PRKCI: variants seen among roughly 807,000 people sequenced by gnomAD.
PRKCI encodes protein kinase C iota.
In PRKCI, 43 loss-of-function variants were observed where a neutral mutation model predicts 84.0. The ratio of observed to expected loss-of-function variants is 0.51; its 90% CI spans 0.40 to 0.66. The LOEUF (loss-of-function observed/expected upper bound fraction) is 0.66. PRKCI is among the 30% of genes least tolerant of loss of function. The pLI is 0.00. For synonymous variants in PRKCI, 216 were observed against 234.4 expected (o/e 0.92, Z 0.72); for missense variants, 459 against 745.6 (o/e 0.62, Z 4.48).
chr3:170,252,104 C>T (rs1413249336), intron 2 of PRKCI, among the ~76,000 whole-genome samples: 1 of 151,560 alleles, frequency 6.6e-6, no homozygotes, highest in Non-Finnish European at 1.5e-5. Flanking sequence ...GTCCCAGCTG[C>T]TGGGGAGGCT....
At chr3:170,243,608 A>G (rs1017267858) in intron 2 of PRKCI, among the ~76,000 whole-genome samples, 1 of 152,158 alleles carries the variant, frequency 6.6e-6, no homozygotes, top group African/African-American at 2.4e-5. Context: ...TGAAAAGGAG[A>G]TGAGATGGGG....
At chr3:170,265,215 A>C (rs1478451353) in intron 4 of PRKCI, among the ~76,000 whole-genome samples, 1 of 151,706 alleles carries the variant, frequency 6.6e-6, no homozygotes, top group Admixed American at 6.6e-5. Flanking sequence ...AAAAAACTGC[A>C]CTCCAATCTA....
intron 1 of PRKCI, among the ~76,000 whole-genome samples, chr3:170,223,664 A>G (rs1732555379): frequency 6.6e-6 from 1 of 152,152 alleles, no homozygotes; most frequent in South Asian, 2.1e-4. Flanking sequence ...GAAACGTGAA[A>G]TGTTAGTGTG....
intron 8 of PRKCI, among the ~76,000 whole-genome samples, chr3:170,279,179 A>C (rs533107980): frequency 5.3e-5 from 8 of 151,970 alleles, no homozygotes; most frequent in Non-Finnish European, 1.0e-4. Flanking sequence ...AGTGCACACC[A>C]CCAACATCCG....
intron 2 of PRKCI, among the ~76,000 whole-genome samples, chr3:170,237,927 GTGTA>G (rs147693377): frequency 0.021 from 3,192 of 152,084 alleles, 51 homozygotes; most frequent in East Asian, 0.084. Context: ...ATTTGCAAAC[GTGTA>G]TGTATGTTTC....
intron 1 of PRKCI, among the ~76,000 whole-genome samples, chr3:170,230,963 G>GTTTTT (rs375182104): frequency 7.8e-6 from 1 of 128,136 alleles, no homozygotes; most frequent in Non-Finnish European, 1.7e-5. Flanking sequence ...TTTTTTTTTT[G>GTTTTT]TTTTTTTTTT....
chr3:170,260,688 A>G (rs1266293861), intron 3 of PRKCI, among the ~76,000 whole-genome samples: 2 of 152,104 alleles, frequency 1.3e-5, no homozygotes, highest in Non-Finnish European at 2.9e-5. Flanking sequence ...CCTGGCCTCA[A>G]GAGATCCGCC....
intron 2 of PRKCI, among the ~76,000 whole-genome samples, chr3:170,238,661 C>T (rs1235579005): frequency 6.6e-6 from 1 of 150,444 alleles, no homozygotes; most frequent in Non-Finnish European, 1.5e-5. Flanking sequence ...TCTCGATCTC[C>T]GCCCACTGCA....
chr3:170,297,000 A>ACT (rs1231589070), intron 15 of PRKCI, among the ~76,000 whole-genome samples: 1 of 152,220 alleles, frequency 6.6e-6, no homozygotes, highest in Non-Finnish European at 1.5e-5. Flanking sequence ...TAGGTCATGC[A>ACT]AAGAAATGGC....
intron 17 of PRKCI, among the ~76,000 whole-genome samples, chr3:170,302,204 C>T (rs746795756): frequency 2.6e-5 from 4 of 152,328 alleles, no homozygotes; most frequent in African/African-American, 9.6e-5. Context: ...TATTCCTGTG[C>T]TCCACCCTAA....
Position 170,305,392 on chromosome 3 carries a change from A to G in PRKCI, c.*2265A>G, listed in dbSNP as rs1734931436. On this transcript the variant is annotated 3_prime_UTR_variant, in exon 18 of 18. Transcript: ENST00000295797. Reference sequence around the variant, plus strand: ...TTTGAGAAGGGGTAAGCAGTGAGTTATTACCCACAATTTAAAGCAAATTTT... The same window carrying G: ...TTTGAGAAGGGGTAAGCAGTGAGTTGTTACCCACAATTTAAAGCAAATTTT... The G allele has an allele frequency of 6.6e-6, 1 of 152,618 alleles. No homozygotes were observed. Among genetic ancestry groups the G allele is most frequent in the African/African-American group, 2.4e-5 (1 of 41,444 alleles). 9.5% of individuals were successfully genotyped at this position (152,618 alleles called of 1,614,324 possible).
intron 5 of PRKCI, among the ~76,000 whole-genome samples, chr3:170,269,704 C>T (rs1260264139): frequency 3.3e-5 from 5 of 151,980 alleles, no homozygotes; most frequent in African/African-American, 1.2e-4. Context: ...CACGTGTAAT[C>T]CCAGCACTTT....
At chr3:170,285,623 G>A (rs763073562) in intron 12 of PRKCI, among the ~76,000 whole-genome samples, 7 of 152,064 alleles carry the variant, frequency 4.6e-5, no homozygotes, top group Non-Finnish European at 1.0e-4. Context: ...TAGTTGTATC[G>A]AAGATTTAAC....
chr3:170,291,937 T>A lies in PRKCI; in HGVS notation c.1287T>A (p.Asp429Glu). The change falls in exon 13 of 18, where the codon GAT (aspartate) becomes GAA (glutamate). Residue 429 changes from aspartate (D) to glutamate (E), a missense_variant. By Grantham distance (45) the Asp-to-Glu change is conservative (BLOSUM62 2). Coordinates refer to ENST00000295797, the MANE Select transcript of PRKCI (RefSeq NM_002740.6). ...YIAPEILRGE[D>E]YGFSVDWWAL... is the part of the protein sequence containing the mutation. Reference sequence around the variant, plus strand: ...CTCCTGAAATTTTAAGAGGAGAAGATTATGGTAATAAATAAATTGGTGGTA... The same window carrying A: ...CTCCTGAAATTTTAAGAGGAGAAGAATATGGTAATAAATAAATTGGTGGTA... The A allele has an allele frequency of 6.3e-7, 1 of 1,581,938 alleles. No homozygotes were observed. The highest frequency in any genetic ancestry group is 8.7e-7 in the Non-Finnish European group (1 of 1,150,824).
At chr3:170,293,779 A>G (rs1431255231) in intron 14 of PRKCI, among the ~76,000 whole-genome samples, 1 of 151,984 alleles carries the variant, frequency 6.6e-6, no homozygotes, top group Admixed American at 6.6e-5. Flanking sequence ...CAGCCTCCCG[A>G]GTAACTGGGA....
intron 9 of PRKCI, among the ~76,000 whole-genome samples, chr3:170,280,844 C>T (rs925193781): frequency 3.3e-5 from 5 of 151,988 alleles, no homozygotes; most frequent in South Asian, 2.1e-4. Flanking sequence ...TATATTATTT[C>T]GGTTTACTTT....
At chr3:170,267,803 G>C in intron 4 of PRKCI, 112 bp from the exon 5 acceptor site, 1 of 655,788 alleles carries the variant, frequency 1.5e-6, no homozygotes, top group Non-Finnish European at 2.4e-6. Flanking sequence ...GTTTTTATCA[G>C]TATTTTTTTT....
chr3:170,251,288 T>C (rs1289224009), intron 2 of PRKCI, among the ~76,000 whole-genome samples: 2 of 152,130 alleles, frequency 1.3e-5, no homozygotes, highest in Non-Finnish European at 1.5e-5. Flanking sequence ...TGACAAAAAT[T>C]TCATCAGGAA....
At chr3:170,223,063 C>T (rs1732535374) in intron 1 of PRKCI, among the ~76,000 whole-genome samples, 1 of 152,098 alleles carries the variant, frequency 6.6e-6, no homozygotes, top group Non-Finnish European at 1.5e-5. Flanking sequence ...AGAGACTCGC[C>T]TCCTGAGAGC....
Sources: allele counts gnomAD v4.1 joint callset (sites outside exome capture counted in the v4.1 genomes callset), GRCh38; gene constraint gnomAD v4.1.1; transcripts MANE v1.5; gene names NCBI Gene and HGNC (gene_info 2026-07-23, HGNC 2026-07-21).